The following SLC60A1 variants were observed in gnomAD, a reference collection of about 807,000 sequenced individuals.
The protein encoded by SLC60A1 is solute carrier family 60 member 1, also known as major facilitator superfamily domain containing 4.
At chr1:205,580,051 AC>A in the SLC60A1 span, 2 of 1,266,634 alleles carry the variant, frequency 1.6e-6, no homozygotes, top group Non-Finnish European at 2.2e-6. This position sits in a 1 kb window ranked among gnomAD's most constrained non-coding sequence, Gnocchi z 5.0. Flanking sequence ...GGGCCCACTT[AC>A]CAGCTGGGTT....
At chr1:205,582,611 TCACTCAGG>T in the SLC60A1 span, among the ~76,000 whole-genome samples, 2 of 152,198 alleles carry the variant, frequency 1.3e-5, no homozygotes, top group African/African-American at 4.8e-5. Context: ...CACTTGGCCT[TCACTCAGG>T]CACTCTGCCA....
the SLC60A1 span, among the ~76,000 whole-genome samples, chr1:205,583,229 G>A: frequency 5.6e-3 from 847 of 152,320 alleles, 9 homozygotes; most frequent in African/African-American, 0.018. Flanking sequence ...CTGCTCTGAA[G>A]GAGTTCCGAT....
At chr1:205,598,030 G>A in the SLC60A1 span, 2 of 602,882 alleles carry the variant, frequency 3.3e-6, no homozygotes, top group Non-Finnish European at 6.0e-6. Context: ...CCTGAGAGCT[G>A]AGCCTCCATA....
the SLC60A1 span, among the ~76,000 whole-genome samples, chr1:205,589,852 G>A: frequency 1.3e-5 from 2 of 152,238 alleles, no homozygotes; most frequent in Non-Finnish European, 2.9e-5. Context: ...AGGCGCAAGA[G>A]GGAGGTGGCT....
the SLC60A1 span, chr1:205,601,976 A>G: frequency 6.6e-6 from 1 of 152,216 alleles, no homozygotes; most frequent in Non-Finnish European, 1.5e-5. Flanking sequence ...GAACAATTCA[A>G]GCTGTGCAGT....
the SLC60A1 span, among the ~76,000 whole-genome samples, chr1:205,570,195 G>C: frequency 6.6e-6 from 1 of 152,136 alleles, no homozygotes; most frequent in Non-Finnish European, 1.5e-5. Context: ...GGCCACCTCC[G>C]GGCTCCCTTG....
At chr1:205,592,884 G>C in the SLC60A1 span, among the ~76,000 whole-genome samples, 1 of 152,338 alleles carries the variant, frequency 6.6e-6, no homozygotes, top group African/African-American at 2.4e-5. Context: ...CACAGGAGAA[G>C]TTATGGCATA....
chr1:205,582,093 G>A, the SLC60A1 span, among the ~76,000 whole-genome samples: 169 of 152,138 alleles, frequency 1.1e-3, no homozygotes, highest in African/African-American at 3.5e-3. Context: ...CACCCTCTCC[G>A]TCTGCTCCTT....
chr1:205,569,083 G>C, the SLC60A1 span: 2 of 1,492,850 alleles, frequency 1.3e-6, no homozygotes, highest in Admixed American at 4.4e-5. Flanking sequence ...GGCTGCGACG[G>C]CCGCGTGTCG....
chr1:205,595,098 G>A, the SLC60A1 span: 1 of 152,248 alleles, frequency 6.6e-6, no homozygotes, highest in Non-Finnish European at 1.5e-5. Flanking sequence ...TGATGAGCAT[G>A]GCCCCTGTCC....
the SLC60A1 span, among the ~76,000 whole-genome samples, chr1:205,582,509 C>A: frequency 6.6e-6 from 1 of 152,242 alleles, no homozygotes; most frequent in East Asian, 1.9e-4. Flanking sequence ...TTCCTGCCAG[C>A]AATGCCAGCC....
At chr1:205,593,208 C>T in the SLC60A1 span, among the ~76,000 whole-genome samples, 2 of 152,016 alleles carry the variant, frequency 1.3e-5, no homozygotes, top group Non-Finnish European at 1.5e-5. Flanking sequence ...GGGTGGCTCA[C>T]GCCTGTAATC....
the SLC60A1 span, chr1:205,602,477 A>C: frequency 6.5e-6 from 1 of 152,794 alleles, no homozygotes; most frequent in Non-Finnish European, 1.5e-5. Flanking sequence ...GAAAAAAGTA[A>C]GTGAATTTGT....
the SLC60A1 span, chr1:205,583,924 G>A: frequency 6.2e-7 from 1 of 1,603,922 alleles, no homozygotes; most frequent in Non-Finnish European, 8.5e-7. Flanking sequence ...CTTCAGGGCA[G>A]GGCTCTCCTG....
At chr1:205,576,927 AG>A in the SLC60A1 span, among the ~76,000 whole-genome samples, 1 of 152,124 alleles carries the variant, frequency 6.6e-6, no homozygotes, top group Non-Finnish European at 1.5e-5. Context: ...AGATGCAGGG[AG>A]GGGATTTCCC....
chr1:205,582,065 T>G, the SLC60A1 span, among the ~76,000 whole-genome samples: 1 of 152,246 alleles, frequency 6.6e-6, no homozygotes, highest in Non-Finnish European at 1.5e-5. Context: ...GAATCTCCTC[T>G]GGGGGCTCTC....
chr1:205,576,674 C>T, the SLC60A1 span, among the ~76,000 whole-genome samples: 3 of 152,200 alleles, frequency 2.0e-5, no homozygotes, highest in Non-Finnish European at 4.4e-5. Context: ...AAATGTATTT[C>T]GGTCTGGCTC....
the SLC60A1 span, among the ~76,000 whole-genome samples, chr1:205,574,096 C>T: frequency 3.4e-4 from 52 of 152,076 alleles, no homozygotes; most frequent in East Asian, 7.1e-3. Flanking sequence ...TTGAATTGTA[C>T]GCTTAAATAT....
chr1:205,589,185 C>T, the SLC60A1 span, among the ~76,000 whole-genome samples: 923 of 152,288 alleles, frequency 6.1e-3, 8 homozygotes, highest in Non-Finnish European at 7.5e-3. Context: ...TTCCAAACCC[C>T]GGCATCTGTC....
Sources: allele counts gnomAD v4.1 joint callset (sites outside exome capture counted in the v4.1 genomes callset), GRCh38; gene constraint gnomAD v4.1.1; non-coding constraint Gnocchi (gnomAD v3.1); transcripts MANE v1.5; gene names NCBI Gene and HGNC (gene_info 2026-07-23, HGNC 2026-07-21).